The following CD109 variants were observed in gnomAD, a reference collection of about 807,000 sequenced individuals.
CD109 encodes CD109 molecule.
In CD109, 149 loss-of-function variants were observed where a neutral mutation model predicts 165.8. That is an observed-to-expected ratio of 0.90 (90% CI 0.79 to 1.03). The LOEUF is 1.03. Among genes scored for constraint, CD109 ranks in the 50% least tolerant of loss-of-function variants. The pLI, the probability that CD109 is intolerant of heterozygous loss-of-function variation, is 0.00. For synonymous variants in CD109, 585 were observed against 592.1 expected (o/e 0.99, Z 0.18); for missense variants, 1,712 against 1,677.8 (o/e 1.02, Z -0.36).
chr6:73,705,494 TA>T (rs1771233353), intron 2 of CD109, among the ~76,000 whole-genome samples: 1 of 151,770 alleles, frequency 6.6e-6, no homozygotes, highest in African/African-American at 2.4e-5. Context: ...AAAAAAAAGG[TA>T]GCTGGACGTG....
chr6:73,700,400 C>T (rs927418815), intron 2 of CD109, among the ~76,000 whole-genome samples: 2 of 151,934 alleles, frequency 1.3e-5, no homozygotes, highest in African/African-American at 2.4e-5. Context: ...TATGAGCCAC[C>T]CCCAGCCCCC....
At chr6:73,707,706 C>G (rs1479646522) in intron 2 of CD109, among the ~76,000 whole-genome samples, 1 of 151,742 alleles carries the variant, frequency 6.6e-6, no homozygotes, top group Non-Finnish European at 1.5e-5. Flanking sequence ...TGAGATGTGC[C>G]AGGAGTATAA....
intron 24 of CD109, among the ~76,000 whole-genome samples, chr6:73,804,893 T>TA (rs1775509729): frequency 6.6e-6 from 1 of 152,092 alleles, no homozygotes; most frequent in Non-Finnish European, 1.5e-5. Context: ...ACAGACACAT[T>TA]AAAAAATGCT....
chr6:73,800,567 C>T (rs529414923), intron 23 of CD109, among the ~76,000 whole-genome samples: 27 of 152,306 alleles, frequency 1.8e-4, no homozygotes, highest in African/African-American at 6.3e-4. Context: ...GGTTTCCATA[C>T]AGCTCACCCA....
chr6:73,747,298 T>A (rs765534274), intron 5 of CD109, among the ~76,000 whole-genome samples: 1 of 152,182 alleles, frequency 6.6e-6, no homozygotes, highest in Non-Finnish European at 1.5e-5. Flanking sequence ...TAACTCTACT[T>A]CCTCTTCAGT....
intron 2 of CD109, among the ~76,000 whole-genome samples, chr6:73,706,554 A>G (rs1197929706): frequency 6.6e-6 from 1 of 152,112 alleles, no homozygotes; most frequent in African/African-American, 2.4e-5. Flanking sequence ...GTCTAGGAGG[A>G]TTAAAGTGGA....
chr6:73,742,232 G>A (rs1464570263), intron 5 of CD109, among the ~76,000 whole-genome samples: 1 of 145,098 alleles, frequency 6.9e-6, no homozygotes, highest in Non-Finnish European at 1.5e-5. Context: ...CTGTGGTGTT[G>A]ATTAGTCTTA....
intron 15 of CD109, among the ~76,000 whole-genome samples, chr6:73,775,424 C>G (rs189777404): frequency 6.6e-6 from 1 of 152,122 alleles, no homozygotes; most frequent in Admixed American, 6.5e-5. Context: ...TTTTTTCATC[C>G]CACATATCTG....
At chr6:73,735,768 C>G (rs1051480979) in intron 4 of CD109, among the ~76,000 whole-genome samples, 3 of 152,094 alleles carry the variant, frequency 2.0e-5, no homozygotes, top group Admixed American at 6.6e-5. Context: ...TGAATGCGTA[C>G]CTCCCTCTCC....
chr6:73,716,692 G>A (rs2150161809), intron 2 of CD109, among the ~76,000 whole-genome samples: 1 of 152,296 alleles, frequency 6.6e-6, no homozygotes, highest in Non-Finnish European at 1.5e-5. Flanking sequence ...TCCCTTGTGA[G>A]ATGAGTAGTT....
intron 20 of CD109, 26 bp downstream of exon 20, chr6:73,785,503 C>A: frequency 2.4e-6 from 3 of 1,269,250 alleles, no homozygotes; most frequent in African/African-American, 1.5e-5. Flanking sequence ...TTTTGTTGAT[C>A]ATTTACACTA....
intron 5 of CD109, among the ~76,000 whole-genome samples, chr6:73,749,891 T>G (rs1247303410): frequency 6.6e-6 from 1 of 152,196 alleles, no homozygotes; most frequent in Non-Finnish European, 1.5e-5. Flanking sequence ...TGATTAAAGT[T>G]GTATTTTAGG....
chr6:73,770,511 G>A (rs1773996418), intron 14 of CD109, among the ~76,000 whole-genome samples: 1 of 152,320 alleles, frequency 6.6e-6, no homozygotes, highest in Non-Finnish European at 1.5e-5. Flanking sequence ...TTGGGAGGCC[G>A]AGGCAGGCGG....
intron 32 of CD109, among the ~76,000 whole-genome samples, chr6:73,823,087 A>G (rs192091004): frequency 6.6e-6 from 1 of 152,370 alleles, no homozygotes; most frequent in African/African-American, 2.4e-5. Flanking sequence ...ATTTGAGTGC[A>G]TAGAGAATGT....
intron 2 of CD109, among the ~76,000 whole-genome samples, chr6:73,700,976 T>G (rs1771053456): frequency 6.6e-6 from 1 of 151,692 alleles, no homozygotes; most frequent in Non-Finnish European, 1.5e-5. Flanking sequence ...TAATTTTTTG[T>G]ATTTTTAGTA....
intron 7 of CD109, among the ~76,000 whole-genome samples, chr6:73,761,014 A>AACACACACAC (rs577598100): frequency 1.9e-4 from 24 of 124,402 alleles, no homozygotes; most frequent in African/African-American, 6.0e-4. Context: ...ACTGTGTCTA[A>AACACACACAC]ACACACACAC....
intron 23 of CD109, among the ~76,000 whole-genome samples, chr6:73,800,448 GTC>G (rs1217727589): frequency 6.6e-6 from 1 of 152,176 alleles, no homozygotes; most frequent in African/African-American, 2.4e-5. Context: ...TTGGAGGTGT[GTC>G]TTCAGGGTAG....
chr6:73,784,211 T>C (rs1024219033), intron 19 of CD109, among the ~76,000 whole-genome samples: 11 of 152,220 alleles, frequency 7.2e-5, no homozygotes, highest in African/African-American at 2.7e-4. Context: ...CAATATTCCA[T>C]CATGTCTTTT....
intron 32 of CD109, 94 bp downstream of exon 32, chr6:73,820,657 C>A: frequency 1.5e-6 from 1 of 680,668 alleles, no homozygotes. Flanking sequence ...GGTTCTGTGG[C>A]GAGGGCAGGA....
Sources: gnomAD v4.1 joint callset for allele counts (sites outside exome capture counted in the v4.1 genomes callset) on GRCh38, gnomAD v4.1.1 for gene constraint, MANE v1.5 for transcripts, NCBI Gene and HGNC (gene_info 2026-07-23, HGNC 2026-07-21) for gene names.